Variants in HECTD4 observed in about 807,000 individuals in gnomAD.
The protein encoded by HECTD4 is probable E3 ubiquitin-protein ligase HECTD4.
In HECTD4, 114 loss-of-function variants were observed where a neutral mutation model predicts 471.5. The observed-to-expected ratio is 0.24, with a 90% CI of 0.21 to 0.28. The LOEUF is 0.28. Ranked by LOEUF, HECTD4 falls within the 10% of genes least tolerant of loss-of-function variation. The pLI, the probability that HECTD4 is intolerant of heterozygous loss-of-function variation, is 1.00. For synonymous variants in HECTD4, 2,012 were observed against 2,256.0 expected (o/e 0.89, Z 3.07); for missense variants, 3,866 against 5,651.5 (o/e 0.68, Z 10.13).
Position 112,273,739 on chromosome 12 carries a change from C to G in HECTD4, c.1858G>C (p.Asp620His). Reference sequence around the variant, plus strand: ...TGATTCCCAGGGTTACACCACTGATCGATATAGTCATTTGAGCATGTCCAT... The same window carrying G: ...TGATTCCCAGGGTTACACCACTGATGGATATAGTCATTTGAGCATGTCCAT... ...MLWTCSNDYI[D>H]QWCNPGNQAF... Residue 620 changes from aspartate to histidine, a missense_variant, in exon 11 of 76, where the codon GAT (aspartate) becomes CAT (histidine). Physicochemically the swap from Asp to His is moderately conservative, Grantham distance 81 (BLOSUM62 -1). Coordinates refer to ENST00000682272, the MANE Select transcript of HECTD4 (RefSeq NM_001388303.1). 6.2e-7 allele frequency: 1 copy of G among 1,613,862 alleles called. No homozygotes were observed. The highest frequency in any genetic ancestry group is 8.5e-7 in the Non-Finnish European group (1 of 1,179,804).
rs1593900871 is a variant in HECTD4, at chr12:112,179,899, A to G, written c.10988-502T>C. Among the ~76,000 whole-genome samples the G allele has an allele frequency of 6.6e-6, 1 of 152,266 alleles. No homozygotes were observed. The highest frequency in any genetic ancestry group is 1.9e-4 in the East Asian group (1 of 5,208). On this transcript the variant is annotated intron_variant, in intron 62 of 75. Transcript: ENST00000682272. The surrounding 1 kb of genome is among the most constrained non-coding windows in gnomAD (Gnocchi z 4.3). ...ACAGGTGATCTCATTCATAGGAAAT[A>G]TTCTTCAAAACTGGCGCAATGAGCA...
chr12:112,370,228 G>A (rs2036640254), intron 1 of HECTD4, among the ~76,000 whole-genome samples: 1 of 152,174 alleles, frequency 6.6e-6, no homozygotes, highest in Admixed American at 6.5e-5. Flanking sequence ...CTGTGGAAAA[G>A]GCATGGGAAC....
chr12:112,169,747 G>A (rs2137004742), intron 69 of HECTD4, 89 bp from the exon 70 acceptor site: 8 of 1,498,942 alleles, frequency 5.3e-6, no homozygotes, highest in Non-Finnish European at 6.4e-6. Flanking sequence ...TAGCAGGCCT[G>A]TGCCTGTCCC....
intron 8 of HECTD4, among the ~76,000 whole-genome samples, chr12:112,281,212 T>C (rs1456804744): frequency 6.6e-6 from 1 of 152,054 alleles, no homozygotes; most frequent in East Asian, 1.9e-4. Flanking sequence ...AGTACGATGA[T>C]TGCTTAAGCC....
intron 1 of HECTD4, among the ~76,000 whole-genome samples, chr12:112,374,233 G>T (rs1156363566): frequency 6.6e-6 from 1 of 152,044 alleles, no homozygotes; most frequent in Non-Finnish European, 1.5e-5. Context: ...GCTAAGGTGG[G>T]AAGACCACTT....
Position 112,163,286 on chromosome 12 carries a change from G to A in HECTD4, c.12898-22C>T. On this transcript the variant is annotated intron_variant, in intron 74 of 75. Transcript: ENST00000682272. This position sits in a 1 kb window ranked among gnomAD's most constrained non-coding sequence, Gnocchi z 8.2. ...GGGCCTGGGGAGGAGAGGTCCAGGT[G>A]TCAGGAGCCCTGGAGCCCCACCTAC... The A allele has an allele frequency of 6.3e-7, 1 of 1,590,574 alleles. No individual in the cohort carries two copies. The highest frequency in any genetic ancestry group is 8.6e-7 in the Non-Finnish European group (1 of 1,163,650).
Position 112,207,893 on chromosome 12 carries a change from T to C in HECTD4, c.8112A>G (p.Ile2704Met), listed in dbSNP as rs2032639729. The C allele has an allele frequency of 6.2e-7, 1 of 1,613,894 alleles. No individual in the cohort carries two copies. ...CCAGACCTAGTTGTAAGGCCCCCTT[T>C]ATCTGGTCCAGGCCCGATTTCCGCT... ...EAERKSGLDQ[I>M]KGALQLGMVD... Residue 2704 changes from isoleucine to methionine, a missense_variant, in exon 52 of 76, where the codon ATA (isoleucine) becomes ATG (methionine). Around this residue, in one of 16 missense-constraint regions of HECTD4, gnomAD observed 266 missense variants for 441.6 expected, o/e 0.60. Coordinates refer to ENST00000682272, the MANE Select transcript of HECTD4 (RefSeq NM_001388303.1).
chr12:112,229,834 G>A lies in HECTD4; in HGVS notation c.6383C>T (p.Ala2128Val). Residue 2128 changes from alanine to valine, a missense_variant, in exon 41 of 76, where the codon GCA becomes GTA. Physicochemically the swap from Ala to Val is moderately conservative, Grantham distance 64. Coordinates refer to ENST00000682272, the MANE Select transcript of HECTD4 (RefSeq NM_001388303.1). The part of the protein sequence containing the change: ...LMYIPQLGKY[A>V]ESILENGSSS... ...GCTGCCATTTTCCAGAATGCTTTCT[G>A]CGTATTTCCCCAATTGTGGAATGTA... 6.2e-7 allele frequency: 1 copy of A among 1,614,004 alleles called. No individual in the cohort carries two copies. Among genetic ancestry groups the A allele is most frequent in the Non-Finnish European group, 8.5e-7 (1 of 1,179,876 alleles).
At position 112,382,398 on chromosome 12, in the gene HECTD4, A is replaced by C; in HGVS notation, c.-270T>G. The C allele has an allele frequency of 6.3e-6, 2 of 316,072 alleles. No homozygotes were observed. Among genetic ancestry groups the C allele is most frequent in the East Asian group, 7.5e-5 (1 of 13,358 alleles). The allele number at this position is 316,072 out of a possible 1,614,324, so 19.6% of individuals were successfully genotyped here. A position where few individuals can be genotyped will look rare whatever the true frequency, so the allele number is the denominator to read the frequency against. On this transcript the variant is annotated 5_prime_UTR_variant, in exon 1 of 76. Transcript: ENST00000682272. ...ATCCGCCTCTGCCGCTCGGCAACCA[A>C]CTGTCAGTGAGACGCCATGTTGGGG...
chr12:112,244,506 T>G (rs2033713002), intron 29 of HECTD4, among the ~76,000 whole-genome samples: 1 of 152,162 alleles, frequency 6.6e-6, no homozygotes, highest in African/African-American at 2.4e-5. Flanking sequence ...GTAGCTGCGA[T>G]TACAGGCGTG....
intron 68 of HECTD4, 117 bp downstream of exon 68, chr12:112,171,000 G>C: frequency 1.3e-6 from 1 of 788,390 alleles, no homozygotes; most frequent in Non-Finnish European, 2.0e-6. Flanking sequence ...AAAGGTTGAG[G>C]TGGGGTGGCA....
chr12:112,294,968 C>A (rs948379286), intron 7 of HECTD4, among the ~76,000 whole-genome samples: 1 of 152,070 alleles, frequency 6.6e-6, no homozygotes, highest in Non-Finnish European at 1.5e-5. Context: ...TTAATTCATT[C>A]ATTTAGCAAA....
At chr12:112,310,851 G>A (rs1169921161) in intron 4 of HECTD4, among the ~76,000 whole-genome samples, 1 of 152,226 alleles carries the variant, frequency 6.6e-6, no homozygotes. Flanking sequence ...AAGTGAAAAG[G>A]ACAAACAAAA....
At position 112,193,096 on chromosome 12, in the gene HECTD4, C is replaced by A. The variant is rs1205117337; in HGVS notation, c.9051G>T (p.Val3017=). 6.2e-7 allele frequency: 1 copy of A among 1,614,018 alleles called. No homozygotes were observed. Among genetic ancestry groups the A allele is most frequent in the South Asian group, 1.1e-5 (1 of 91,076 alleles). The change falls in exon 58 of 76, where the codon GTG becomes GTT. Residue 3017 remains valine, a synonymous_variant. Coordinates refer to ENST00000682272, the MANE Select transcript of HECTD4 (RefSeq NM_001388303.1). This position sits in a 1 kb window ranked among gnomAD's most constrained non-coding sequence, Gnocchi z 5.2. ...ATCCAGATTGACTTTCTTTACAAGA[C>A]ACAACAACAAAAGCTGCCCCGGGGA... ...VNFPGAAFVV[V]SCKESQSGFR... is the part of the protein sequence containing the mutation.
Position 112,319,756 on chromosome 12 carries a change from C to T in HECTD4, c.178-14G>A, listed in dbSNP as rs1442989281. ...AAAGGTTAAAATCTAAGGAAAAAGA[C>T]GATGGAGAAGTGGGTAAATATTACT... On this transcript the variant is annotated splice_polypyrimidine_tract_variant and intron_variant, in intron 1 of 75. Coordinates refer to ENST00000682272, the MANE Select transcript of HECTD4 (RefSeq NM_001388303.1). This position sits in a 1 kb window ranked among gnomAD's most constrained non-coding sequence, Gnocchi z 5.3. 7 of 1,244,194 alleles carry T rather than the reference C, an allele frequency of 5.6e-6. No individual in the cohort carries two copies. The highest frequency in any genetic ancestry group is 3.9e-5 in the South Asian group (1 of 25,914). The allele number at this position is 1,244,194 out of a possible 1,614,324, so 77.1% of individuals were successfully genotyped here.
intron 1 of HECTD4, among the ~76,000 whole-genome samples, chr12:112,331,767 G>C (rs1180600110): frequency 6.6e-6 from 1 of 152,188 alleles, no homozygotes; most frequent in African/African-American, 2.4e-5. Flanking sequence ...CGAGGTTTGA[G>C]TTAAACACAA....
At chr12:112,206,600 G>C (rs1177110701) in intron 52 of HECTD4, among the ~76,000 whole-genome samples, 2 of 144,286 alleles carry the variant, frequency 1.4e-5, no homozygotes, top group Non-Finnish European at 3.0e-5. Context: ...GCAGTGGCGT[G>C]ATCTCTGATC....
intron 67 of HECTD4, 129 bp downstream of exon 67, chr12:112,172,542 C>A (rs757182311): frequency 5.1e-5 from 44 of 864,872 alleles, no homozygotes; most frequent in Non-Finnish European, 6.6e-5. Flanking sequence ...GCACACCTGG[C>A]GCATAGCAGG....
chr12:112,202,836 T>G lies in HECTD4; in HGVS notation c.8406+800A>C, dbSNP rs1235404576. The G allele has an allele frequency of 3.3e-5, 5 of 152,278 alleles. No individual in the cohort carries two copies. The South Asian group carries it at 6.2e-4, about 19-fold the overall frequency. 9.4% of individuals were successfully genotyped at this position (152,278 alleles called of 1,614,324 possible). On this transcript the variant is annotated intron_variant, in intron 54 of 75. Coordinates refer to ENST00000682272, the MANE Select transcript of HECTD4 (RefSeq NM_001388303.1). ...TCCTAGCTGTGTCCTAGGAGAGAGCTTTGCAAAATGGAGGAGGAAACCACT... is the reference window on the plus strand; with the variant it reads ...TCCTAGCTGTGTCCTAGGAGAGAGCGTTGCAAAATGGAGGAGGAAACCACT...
Sources: gnomAD v4.1 joint callset for allele counts (sites outside exome capture counted in the v4.1 genomes callset) on GRCh38, gnomAD v4.1.1 for gene constraint, gnomAD v4.1.1 regional missense constraint, Gnocchi (gnomAD v3.1) non-coding constraint, MANE v1.5 for transcripts, NCBI Gene and HGNC (gene_info 2026-07-23, HGNC 2026-07-21) for gene names.